Variants in PNKD observed in about 807,000 individuals in gnomAD.
PNKD encodes PNKD metallo-beta-lactamase domain containing, also known as probable thioesterase PNKD.
In PNKD, 36 loss-of-function variants were observed where a neutral mutation model predicts 45.3. The ratio of observed to expected loss-of-function variants is 0.80; its 90% CI spans 0.61 to 1.05. The LOEUF (loss-of-function observed/expected upper bound fraction) is 1.05, where lower values mean the gene tolerates loss of function less well. Among genes scored for constraint, PNKD ranks in the 50% least tolerant of loss-of-function variants. The probability of loss-of-function intolerance (pLI) is 0.00; values close to 1 mark genes in which losing one functional copy is unlikely to be tolerated. For missense variants in PNKD, 511 were observed against 506.6 expected, an observed-to-expected ratio of 1.01 and a Z score of -0.08; for synonymous variants, 197 against 210.1, an observed-to-expected ratio of 0.94 and a Z score of 0.54.
chr2:218,344,973 A>T lies in PNKD; in HGVS notation c.1150A>T (p.Ser384Cys), dbSNP rs765841531. Residue 384 changes from serine to cysteine, a missense_variant, in exon 10 of 10, where the codon AGC (serine) becomes TGC (cysteine). By Grantham distance (112) the Ser-to-Cys change is moderately radical (BLOSUM62 -1). Coordinates refer to ENST00000273077, the MANE Select transcript of PNKD (RefSeq NM_015488.5). ...ELRRLKDMHK[S>C]K ...CCGCCGGCTGAAGGATATGCACAAG[A>T]GCAAGTGATGCCCCCAGCGCCCCCA... is the stretch of plus-strand genomic sequence containing the variant. 2 of 1,612,700 alleles carry T rather than the reference A, an allele frequency of 1.2e-6. No homozygotes were observed. Among genetic ancestry groups the T allele is most frequent in the Admixed American group, 3.3e-5 (2 of 59,952 alleles).
At chr2:218,325,120 CA>C (rs1479365494) in intron 2 of PNKD, among the ~76,000 whole-genome samples, 6 of 139,064 alleles carry the variant, frequency 4.3e-5, no homozygotes, top group Admixed American at 7.4e-5. Flanking sequence ...AGGCTGGTTG[CA>C]AACTCCTGAC....
At chr2:218,293,485 A>G (rs892712632) in intron 2 of PNKD, among the ~76,000 whole-genome samples, 10 of 151,762 alleles carry the variant, frequency 6.6e-5, no homozygotes, top group African/African-American at 1.9e-4. Context: ...AGTTCTTTCC[A>G]TGACACCAAG....
intron 2 of PNKD, chr2:218,282,184 G>A: frequency 7.1e-7 from 1 of 1,402,882 alleles, no homozygotes; most frequent in East Asian, 2.7e-5. Context: ...GCTGGGACCT[G>A]AAATGGGAGA....
chr2:218,284,532 G>T (rs997237164), intron 2 of PNKD, among the ~76,000 whole-genome samples: 3 of 152,220 alleles, frequency 2.0e-5, no homozygotes, highest in African/African-American at 4.8e-5. Context: ...CAGCTCAGCG[G>T]GTGCTGACTC....
chr2:218,277,818 C>A, intron 2 of PNKD: 2 of 1,550,010 alleles, frequency 1.3e-6, no homozygotes, highest in South Asian at 1.1e-5. Flanking sequence ...AACAGGCGGC[C>A]CAGATAAGGT....
intron 2 of PNKD, among the ~76,000 whole-genome samples, chr2:218,313,599 G>A (rs1693678791): frequency 6.6e-6 from 1 of 152,160 alleles, no homozygotes; most frequent in African/African-American, 2.4e-5. Flanking sequence ...TAGGTTGTTT[G>A]TAGAGTTTCA....
chr2:218,281,568 TC>T (rs1162863551), intron 2 of PNKD, among the ~76,000 whole-genome samples: 1 of 152,200 alleles, frequency 6.6e-6, no homozygotes, highest in Non-Finnish European at 1.5e-5. Context: ...CCAAAGGAGT[TC>T]CTAAGGAAGT....
chr2:218,307,280 C>T (rs1421358576), intron 2 of PNKD, among the ~76,000 whole-genome samples: 1 of 152,108 alleles, frequency 6.6e-6, no homozygotes. Context: ...AAGCGCATTA[C>T]ATTTATTGTG....
chr2:218,305,285 C>A (rs1693376888), intron 2 of PNKD, among the ~76,000 whole-genome samples: 1 of 151,926 alleles, frequency 6.6e-6, no homozygotes, highest in Non-Finnish European at 1.5e-5. Context: ...GAGGGAGAGA[C>A]AAACAAGTGG....
intron 2 of PNKD, chr2:218,278,023 G>A (rs368000042): frequency 5.2e-5 from 83 of 1,605,400 alleles, no homozygotes; most frequent in African/African-American, 2.0e-4. Flanking sequence ...CCCCTCAGGC[G>A]TCAGAGGCTC....
chr2:218,277,870 C>T, intron 2 of PNKD: 3 of 1,608,254 alleles, frequency 1.9e-6, no homozygotes, highest in South Asian at 2.2e-5. Context: ...GGGTCCCCAT[C>T]CCTTCCCTGG....
intron 7 of PNKD, among the ~76,000 whole-genome samples, chr2:218,343,157 G>C (rs76295193): frequency 6.6e-6 from 1 of 152,204 alleles, no homozygotes; most frequent in Non-Finnish European, 1.5e-5. Context: ...GTCCCAGGCT[G>C]CATGAAATCC....
intron 2 of PNKD, among the ~76,000 whole-genome samples, chr2:218,328,731 T>G (rs1694227089): frequency 6.6e-6 from 1 of 152,252 alleles, no homozygotes; most frequent in South Asian, 2.1e-4. Flanking sequence ...AATAAATGAA[T>G]GAAAAGCTTG....
chr2:218,305,718 C>G (rs12104579), intron 2 of PNKD, among the ~76,000 whole-genome samples: 5,026 of 152,222 alleles, frequency 0.033, 268 homozygotes, highest in African/African-American at 0.11. Flanking sequence ...CCCTTCCGCC[C>G]CCACCATAGC....
chr2:218,343,179 C>G (rs1429377834), intron 7 of PNKD, among the ~76,000 whole-genome samples: 6 of 152,212 alleles, frequency 3.9e-5, no homozygotes, highest in Admixed American at 6.5e-5. Flanking sequence ...AAAGGGCAGC[C>G]TAGGCGAAGA....
intron 2 of PNKD, among the ~76,000 whole-genome samples, chr2:218,300,427 G>A (rs1693244320): frequency 6.6e-6 from 1 of 152,132 alleles, no homozygotes; most frequent in Non-Finnish European, 1.5e-5. Context: ...TCACCACTTG[G>A]ATGTCTAATA....
At chr2:218,299,096 C>A (rs1172359983) in intron 2 of PNKD, among the ~76,000 whole-genome samples, 1 of 152,088 alleles carries the variant, frequency 6.6e-6, no homozygotes, top group Non-Finnish European at 1.5e-5. Context: ...CATCTTACCA[C>A]CTGTTCCTTT....
At chr2:218,333,763 C>T (rs779812536) in intron 2 of PNKD, among the ~76,000 whole-genome samples, 1 of 151,972 alleles carries the variant, frequency 6.6e-6, no homozygotes, top group African/African-American at 2.4e-5. Flanking sequence ...ACTCAGGCAT[C>T]GGTGCAAGGT....
chr2:218,282,058 C>T (rs758136811), intron 2 of PNKD: 1 of 1,599,238 alleles, frequency 6.3e-7, no homozygotes, highest in Non-Finnish European at 8.5e-7. Flanking sequence ...GGACAGATGG[C>T]TGCCCATAGC....
Sources: gnomAD v4.1 joint callset for allele counts (sites outside exome capture counted in the v4.1 genomes callset) on GRCh38, gnomAD v4.1.1 for gene constraint, MANE v1.5 for transcripts, NCBI Gene and HGNC (gene_info 2026-07-23, HGNC 2026-07-21) for gene names.